PTBP2: variants seen among roughly 807,000 people sequenced by gnomAD.
PTBP2 encodes the protein polypyrimidine tract binding protein 2.
PTBP2 carries 13 observed loss-of-function variants against 61.4 expected under a neutral mutation model. That is an observed-to-expected ratio of 0.21 (90% CI 0.14 to 0.34). PTBP2 has a LOEUF of 0.34. Ranked by LOEUF, PTBP2 falls within the 10% of genes least tolerant of loss-of-function variation. PTBP2 has a pLI of 1.00. For synonymous variants in PTBP2, 215 were observed against 218.5 expected, an observed-to-expected ratio of 0.98 and a Z score of 0.14; for missense variants, 405 against 642.6, an observed-to-expected ratio of 0.63 and a Z score of 4.00.
In PTBP2 at chr1:96,799,137, A is replaced by T. The variant is rs143451831; in HGVS notation, c.905-5663A>T. Among the ~76,000 whole-genome samples, 3 of 152,244 alleles carry T rather than the reference A, an allele frequency of 2.0e-5. No individual in the cohort carries two copies. The East Asian group carries it at 5.8e-4, about 29-fold the overall frequency. ...AGAACTAACATGAGAATTTTAGGAG[A>T]TTACTGAGTCACTCAAAATGTCTGG... On this transcript the variant is annotated intron_variant, in intron 8 of 13. Transcript: ENST00000674951.
At chr1:96,722,845 T>C (rs1028586907) in intron 1 of PTBP2, among the ~76,000 whole-genome samples, 2 of 152,226 alleles carry the variant, frequency 1.3e-5, no homozygotes, top group Admixed American at 6.5e-5. Flanking sequence ...CTCGCTCATA[T>C]GCTTCACACC....
chr1:96,798,393 G>A (rs35349529), intron 8 of PTBP2, among the ~76,000 whole-genome samples: 5 of 152,096 alleles, frequency 3.3e-5, no homozygotes, highest in Non-Finnish European at 5.9e-5. Flanking sequence ...GTGACAGAGT[G>A]AAACTCCATC....
intron 2 of PTBP2, among the ~76,000 whole-genome samples, chr1:96,729,732 ATTTTTT>A: frequency 9.1e-6 from 1 of 110,424 alleles, no homozygotes. Flanking sequence ...TGATACTACT[ATTTTTT>A]TTTTTTTTTT....
chr1:96,762,206 G>A lies in PTBP2; in HGVS notation c.116-7497G>A, dbSNP rs1351752259. 1.3e-3 allele frequency among the ~76,000 whole-genome samples: 188 copies of A among 149,402 alleles called. 1 individual carries two copies. The highest frequency in any genetic ancestry group is 4.4e-3 in the African/African-American group (177 of 40,392). ...TCCCCCCTTTCTATTCCACAAAACC[G>A]CCATTGTCATCATGGCCCGTTCTCA... On this transcript the variant is annotated intron_variant, in intron 3 of 13. Transcript: ENST00000674951.
At chr1:96,760,726 T>G (rs6683971) in intron 3 of PTBP2, among the ~76,000 whole-genome samples, 6,821 of 152,232 alleles carry the variant, frequency 0.045, 473 homozygotes, top group African/African-American at 0.15. Context: ...ATTACAGGCC[T>G]GAGCCACTGC....
intron 1 of PTBP2, 128 bp downstream of exon 1, chr1:96,722,000 C>T: frequency 2.4e-6 from 3 of 1,226,844 alleles, no homozygotes. Context: ...ACCCAACCCC[C>T]GCCCCATCGC....
chr1:96,757,019 G>T (rs1655234695), intron 3 of PTBP2, among the ~76,000 whole-genome samples: 1 of 152,106 alleles, frequency 6.6e-6, no homozygotes, highest in Non-Finnish European at 1.5e-5. Flanking sequence ...GGCTATTTGG[G>T]GCAGGAGGCA....
intron 2 of PTBP2, among the ~76,000 whole-genome samples, chr1:96,726,808 C>T (rs1056811405): frequency 8.3e-4 from 126 of 152,222 alleles, no homozygotes; most frequent in African/African-American, 2.9e-3. Flanking sequence ...TGGTCTTGAT[C>T]TCTTGACTCC....
chr1:96,760,526 A>T lies in PTBP2; in HGVS notation c.115+9026A>T, dbSNP rs561047323. 4.8e-5 allele frequency among the ~76,000 whole-genome samples: 7 copies of T among 146,954 alleles called. No individual in the cohort carries two copies. In the Admixed American group the frequency reaches 4.8e-4, roughly 10 times the overall value. ...AGTGGCATGATCTCAGCTTACTGCA[A>T]CCTCCGCCTCCTGGGTTCAAGCGAT... On this transcript the variant is annotated intron_variant, in intron 3 of 13. Coordinates refer to ENST00000674951, the MANE Select transcript of PTBP2 (RefSeq NM_021190.4).
intron 2 of PTBP2, among the ~76,000 whole-genome samples, chr1:96,727,696 A>T (rs2100790231): frequency 6.6e-6 from 1 of 151,882 alleles, no homozygotes; most frequent in East Asian, 1.9e-4. Flanking sequence ...TCTTTGGTGA[A>T]GTGTCTGTTT....
At chr1:96,741,698 G>A (rs942872544) in intron 2 of PTBP2, among the ~76,000 whole-genome samples, 1 of 152,010 alleles carries the variant, frequency 6.6e-6, no homozygotes, top group Admixed American at 6.5e-5. Flanking sequence ...AAGGCCTTAC[G>A]TATAGGCTTG....
chr1:96,817,409 T>A (rs1028020673), downstream of PTBP2: 2 of 152,132 alleles, frequency 1.3e-5, no homozygotes, highest in African/African-American at 4.8e-5. Context: ...ATTCATTGAT[T>A]ATGCAAAACC....
chr1:96,765,712 A>ATAGC (rs1475923436), intron 3 of PTBP2, among the ~76,000 whole-genome samples: 2 of 125,968 alleles, frequency 1.6e-5, no homozygotes, highest in Non-Finnish European at 3.3e-5. Flanking sequence ...TCTGTCTTAG[A>ATAGC]TAGATAGATA....
chr1:96,803,819 T>C (rs1327050521), intron 8 of PTBP2, among the ~76,000 whole-genome samples: 3 of 152,176 alleles, frequency 2.0e-5, no homozygotes, highest in Non-Finnish European at 2.9e-5. Flanking sequence ...TGTTATGAAA[T>C]CAAATTCATT....
Position 96,813,609 on chromosome 1 carries a change from T to C in PTBP2, c.*204T>C. The C allele has an allele frequency of 2.4e-6, 1 of 413,066 alleles. No homozygotes were observed. Among genetic ancestry groups the C allele is most frequent in the Non-Finnish European group, 4.2e-6 (1 of 240,964 alleles). The allele number at this position is 413,066 out of a possible 1,614,324, so 25.6% of individuals were successfully genotyped here. A position where few individuals can be genotyped will look rare whatever the true frequency, so the allele number is the denominator to read the frequency against. ...CAGAGTTGTTAACTGCTATATTTCA[T>C]CTGTTCTATAGGGAAGCCATTTTGT... On this transcript the variant is annotated 3_prime_UTR_variant, in exon 14 of 14. Coordinates refer to ENST00000674951, the MANE Select transcript of PTBP2 (RefSeq NM_021190.4).
intron 11 of PTBP2, among the ~76,000 whole-genome samples, chr1:96,810,314 T>C (rs1197813762): frequency 1.3e-5 from 2 of 152,226 alleles, no homozygotes; most frequent in Non-Finnish European, 1.5e-5. Flanking sequence ...ATTTTATTCA[T>C]TTAAAATTAG....
At chr1:96,772,895 C>G (rs1171797963) in intron 5 of PTBP2, among the ~76,000 whole-genome samples, 2 of 150,134 alleles carry the variant, frequency 1.3e-5, no homozygotes, top group African/African-American at 4.9e-5. Flanking sequence ...GGTGGATTAC[C>G]TGAGGTCAGG....
chr1:96,784,578 GT>G, intron 7 of PTBP2, among the ~76,000 whole-genome samples: 1 of 152,030 alleles, frequency 6.6e-6, no homozygotes, highest in Non-Finnish European at 1.5e-5. Context: ...GCTATTATGT[GT>G]TAGGATAATT....
At chr1:96,746,871 GTCCCTCCCTCCCTCCCTCCC>G (rs1199317358) in intron 2 of PTBP2, among the ~76,000 whole-genome samples, 3 of 53,240 alleles carry the variant, frequency 5.6e-5, no homozygotes, top group African/African-American at 2.6e-4. Context: ...CCGTCCGTCT[GTCCCTCCCTCCCTCCCTCCC>G]TCCCTCCCTC....
Sources: gnomAD v4.1 joint callset for allele counts (sites outside exome capture counted in the v4.1 genomes callset) on GRCh38, gnomAD v4.1.1 for gene constraint, MANE v1.5 for transcripts, NCBI Gene and HGNC (gene_info 2026-07-23, HGNC 2026-07-21) for gene names.